SERPINB6: variants seen among roughly 807,000 people sequenced by gnomAD.
SERPINB6 encodes serpin B6.
In SERPINB6, 16 loss-of-function variants were observed where a neutral mutation model predicts 26.1. That is an observed-to-expected ratio of 0.61 (90% CI 0.42 to 0.93). SERPINB6 has a LOEUF of 0.93. Among genes scored for constraint, SERPINB6 ranks in the 40% least tolerant of loss-of-function variants. The pLI is 0.00. For synonymous variants in SERPINB6, 174 were observed against 176.6 expected (o/e 0.99, Z 0.11); for missense variants, 420 against 478.0 (o/e 0.88, Z 1.13).
At chr6:2,957,443 G>A (rs976452586) in intron 2 of SERPINB6, 5 of 152,238 alleles carry the variant, frequency 3.3e-5, no homozygotes, top group African/African-American at 1.2e-4. Flanking sequence ...TTCTAAAAGA[G>A]ATGGCCTCAG....
chr6:2,949,715 G>A (rs1381692572), intron 5 of SERPINB6, among the ~76,000 whole-genome samples: 1 of 152,198 alleles, frequency 6.6e-6, no homozygotes, highest in Non-Finnish European at 1.5e-5. Context: ...TGGCCAGAGG[G>A]GCCCGGTAGA....
rs1220996383 is a variant in SERPINB6 at position 2,948,803 on chromosome 6, T to C, written c.730-104A>G. On this transcript the variant is annotated intron_variant, in intron 6 of 6. Coordinates refer to ENST00000380539, the MANE Select transcript of SERPINB6 (RefSeq NM_004568.6). The surrounding 1 kb of genome is among the most constrained non-coding windows in gnomAD (Gnocchi z 5.0). ...GACACCAGTGGCAGCGTGGCTATGG[T>C]CAGCAGCGCTCCAGTGTTAAACGGC... 1.6e-5 allele frequency: 25 copies of C among 1,564,468 alleles called. No homozygotes were observed. Among genetic ancestry groups the C allele is most frequent in the Middle Eastern group, 3.3e-4 (2 of 5,974 alleles).
chr6:2,965,292 T>C (rs184456208), intron 1 of SERPINB6, among the ~76,000 whole-genome samples: 5 of 152,186 alleles, frequency 3.3e-5, no homozygotes, highest in African/African-American at 4.8e-5. Context: ...AGCTGCATTT[T>C]CCTCTCCCTC....
At chr6:2,949,663 T>A (rs1239568994) in intron 5 of SERPINB6, among the ~76,000 whole-genome samples, 1 of 152,204 alleles carries the variant, frequency 6.6e-6, no homozygotes, top group Non-Finnish European at 1.5e-5. Context: ...AGCCTAGCCC[T>A]GGAATATTGT....
chr6:2,966,455 C>T (rs1035965575), intron 1 of SERPINB6: 12 of 978,118 alleles, frequency 1.2e-5, no homozygotes, highest in Admixed American at 6.2e-5. Flanking sequence ...AACTGGGCCA[C>T]GCAGCAGGAG....
intron 1 of SERPINB6, among the ~76,000 whole-genome samples, chr6:2,964,672 G>T (rs998805443): frequency 2.0e-5 from 3 of 152,118 alleles, no homozygotes; most frequent in Non-Finnish European, 2.9e-5. Context: ...GGTGTTAAAA[G>T]AGATGTTATA....
At chr6:2,964,475 G>A (rs1014618624) in intron 1 of SERPINB6, among the ~76,000 whole-genome samples, 1 of 152,150 alleles carries the variant, frequency 6.6e-6, no homozygotes, top group African/African-American at 2.4e-5. Flanking sequence ...AAAAAGGTAA[G>A]TGTAGGCACA....
At chr6:2,955,054 G>T in intron 3 of SERPINB6, 1 of 308,794 alleles carries the variant, frequency 3.2e-6, no homozygotes, top group Middle Eastern at 1.2e-3. Flanking sequence ...GCCATGTATG[G>T]TGGCATGCAC....
chr6:2,959,286 A>C lies in SERPINB6; in HGVS notation c.47T>G (p.Leu16Trp). 2 of 1,614,190 alleles carry C rather than the reference A, an allele frequency of 1.2e-6. No homozygotes were observed. The highest frequency in any genetic ancestry group is 2.2e-5 in the South Asian group (2 of 91,084). Residue 16 changes from leucine to tryptophan, a missense_variant, in exon 2 of 7, where the codon TTG (leucine) becomes TGG (tryptophan). Transcript: ENST00000380539. ...EANGTFALNL[L>W]KTLGKDNSKN... ...CGAGTTGTCTTTACCCAGCGTTTTC[A>C]AAAGGTTTAAGGCAAAGGTGCCATT...
intron 1 of SERPINB6, chr6:2,966,477 G>A (rs1184335917): frequency 2.2e-6 from 2 of 918,550 alleles, no homozygotes; most frequent in African/African-American, 3.6e-5. Flanking sequence ...TGAGCAGCAG[G>A]TGAGCGAACA....
rs543955664 is a variant in SERPINB6, at chr6:2,967,831, T to A, written c.-11+3702A>T. The A allele has an allele frequency of 4.3e-4, 65 of 152,318 alleles. No individual in the cohort carries two copies. The highest frequency in any genetic ancestry group is 1.5e-3 in the African/African-American group (64 of 41,570). 9.4% of individuals were successfully genotyped at this position (152,318 alleles called of 1,614,324 possible). ...AAGGTTGTGGAGAAAAGGGAACACT[T>A]ACACACTGCTGGTGGGTGTGTAAAA... On this transcript the variant is annotated intron_variant, in intron 1 of 6. Coordinates refer to ENST00000380539, the MANE Select transcript of SERPINB6 (RefSeq NM_004568.6). The surrounding 1 kb of genome is among the most constrained non-coding windows in gnomAD (Gnocchi z 4.3).
intron 1 of SERPINB6, among the ~76,000 whole-genome samples, chr6:2,961,730 G>A (rs1771129436): frequency 6.6e-6 from 1 of 151,730 alleles, no homozygotes. Context: ...CCCACGTGGA[G>A]AGGCTGCCAG....
chr6:2,970,590 C>G (rs555587099), intron 1 of SERPINB6: 1 of 1,216,036 alleles, frequency 8.2e-7, no homozygotes, highest in Non-Finnish European at 1.0e-6. Context: ...TCATTAGGCA[C>G]GAGAGCATCC....
intron 1 of SERPINB6, chr6:2,966,322 A>AT: frequency 1.1e-6 from 1 of 914,952 alleles, no homozygotes; most frequent in Non-Finnish European, 1.3e-6. Flanking sequence ...CAATTTGCTG[A>AT]TGTTTTTTTT....
intron 1 of SERPINB6, chr6:2,969,885 C>T: frequency 5.6e-6 from 5 of 891,576 alleles, no homozygotes; most frequent in Non-Finnish European, 6.7e-6. Context: ...ATCTGTAATC[C>T]CAGCACTTTG....
At chr6:2,971,009 C>T in intron 1 of SERPINB6, 1 of 1,218,154 alleles carries the variant, frequency 8.2e-7, no homozygotes, top group East Asian at 3.2e-5. Context: ...GGCCTCTCTC[C>T]GCCTCCCGCC....
rs967298752 is a variant in SERPINB6 at position 2,952,919 on chromosome 6, A to G, written c.573+125T>C. 14 of 1,405,608 alleles carry G rather than the reference A, an allele frequency of 1.0e-5. No homozygotes were observed. The East Asian group carries it at 2.5e-4, about 25-fold the overall frequency. 87.1% of individuals were successfully genotyped at this position (1,405,608 alleles called of 1,614,324 possible). On this transcript the variant is annotated intron_variant, in intron 5 of 6. Transcript: ENST00000380539. ...GCCAGGCGCCCAGGGACACGAGGCC[A>G]CCCAATGGATGTCAAGCAGGAGGGG...
chr6:2,970,574 G>A, intron 1 of SERPINB6: 1 of 1,210,884 alleles, frequency 8.3e-7, no homozygotes, highest in African/African-American at 1.6e-5. Context: ...GGCAGCTGCA[G>A]GGCTGTCATT....
At chr6:2,961,660 C>T (rs1247155003) in intron 1 of SERPINB6, among the ~76,000 whole-genome samples, 9 of 152,172 alleles carry the variant, frequency 5.9e-5, no homozygotes, top group South Asian at 2.1e-4. Context: ...CACCCTGACA[C>T]GTGGGGTTTT....
Sources: gnomAD v4.1 joint callset for allele counts (sites outside exome capture counted in the v4.1 genomes callset) on GRCh38, gnomAD v4.1.1 for gene constraint, Gnocchi (gnomAD v3.1) non-coding constraint, MANE v1.5 for transcripts, NCBI Gene and HGNC (gene_info 2026-07-23, HGNC 2026-07-21) for gene names.